ITFG1: variants seen among roughly 807,000 people sequenced by gnomAD.
ITFG1 encodes integrin alpha FG-GAP repeat containing 1, also known as T-cell immunomodulatory protein.
In ITFG1, 34 loss-of-function variants were observed where a neutral mutation model predicts 81.8. The ratio of observed to expected loss-of-function variants is 0.42; its 90% CI spans 0.32 to 0.55. The LOEUF is 0.55. ITFG1 is among the 20% of genes least tolerant of loss of function. The pLI is 0.17. For synonymous variants in ITFG1, 285 were observed against 270.6 expected (o/e 1.05, Z -0.52); for missense variants, 672 against 755.4 (o/e 0.89, Z 1.29).
intron 6 of ITFG1, among the ~76,000 whole-genome samples, chr16:47,407,768 T>C (rs1350466046): frequency 6.6e-6 from 1 of 152,200 alleles, no homozygotes; most frequent in Admixed American, 6.5e-5. Context: ...TAGTCTGAAC[T>C]GTCTATCAGA....
At chr16:47,433,074 A>C (rs1329494634) in intron 5 of ITFG1, among the ~76,000 whole-genome samples, 1 of 152,188 alleles carries the variant, frequency 6.6e-6, no homozygotes, top group Admixed American at 6.5e-5. Context: ...TTCCCTACAA[A>C]TTTTTTAGTA....
intron 7 of ITFG1, among the ~76,000 whole-genome samples, chr16:47,370,781 G>A (rs765461351): frequency 2.0e-5 from 3 of 152,328 alleles, no homozygotes; most frequent in African/African-American, 4.8e-5. Flanking sequence ...ACAGCCTGCC[G>A]GGTCGAGAGG....
chr16:47,354,589 A>G (rs1968012986), intron 8 of ITFG1, among the ~76,000 whole-genome samples: 1 of 152,184 alleles, frequency 6.6e-6, no homozygotes, highest in African/African-American at 2.4e-5. Context: ...TGCACATCAA[A>G]GGAAACAAGT....
At chr16:47,331,794 T>G (rs142504409) in intron 8 of ITFG1, among the ~76,000 whole-genome samples, 2,095 of 152,288 alleles carry the variant, frequency 0.014, 20 homozygotes, top group Non-Finnish European at 0.022. Flanking sequence ...GAAAAGTAGT[T>G]TAGGTGTTGT....
chr16:47,285,916 CCCA>C (rs1357212950), intron 10 of ITFG1, among the ~76,000 whole-genome samples: 2 of 152,136 alleles, frequency 1.3e-5, no homozygotes, highest in Non-Finnish European at 2.9e-5. Flanking sequence ...GAAACTCACC[CCCA>C]CACTTACCCA....
intron 14 of ITFG1, among the ~76,000 whole-genome samples, chr16:47,180,396 C>T (rs1341809738): frequency 6.6e-6 from 1 of 152,004 alleles, no homozygotes; most frequent in Non-Finnish European, 1.5e-5. Flanking sequence ...CACGGTCTCC[C>T]TCTCCCTCTC....
intron 6 of ITFG1, among the ~76,000 whole-genome samples, chr16:47,417,177 T>C (rs1263654789): frequency 1.3e-5 from 2 of 152,202 alleles, no homozygotes; most frequent in Non-Finnish European, 2.9e-5. Flanking sequence ...TTTGCTGAAA[T>C]GATTTCAAAA....
chr16:47,173,991 G>C (rs1304653517), intron 14 of ITFG1, among the ~76,000 whole-genome samples: 3 of 152,182 alleles, frequency 2.0e-5, no homozygotes, highest in Admixed American at 2.0e-4. Flanking sequence ...AGTGAGCTGA[G>C]ATTGTGCCAC....
chr16:47,323,882 A>G (rs1259953804), intron 8 of ITFG1, among the ~76,000 whole-genome samples: 1 of 152,190 alleles, frequency 6.6e-6, no homozygotes, highest in East Asian at 1.9e-4. Context: ...CTGGAAGAGA[A>G]CAGGGAGAGG....
intron 13 of ITFG1, among the ~76,000 whole-genome samples, chr16:47,221,635 C>T (rs1488801149): frequency 1.3e-5 from 2 of 152,220 alleles, no homozygotes; most frequent in East Asian, 3.9e-4. Flanking sequence ...TTTCTATTGA[C>T]TAGAATACTT....
intron 10 of ITFG1, among the ~76,000 whole-genome samples, chr16:47,266,504 C>G (rs979324586): frequency 6.6e-6 from 1 of 152,212 alleles, no homozygotes; most frequent in Non-Finnish European, 1.5e-5. Flanking sequence ...AGGCGTGAGC[C>G]ACTGCACCCA....
chr16:47,361,330 C>A (rs1386353842), intron 8 of ITFG1, among the ~76,000 whole-genome samples: 1 of 152,004 alleles, frequency 6.6e-6, no homozygotes, highest in Non-Finnish European at 1.5e-5. Flanking sequence ...AGTTTTATAG[C>A]TTTTATTGAT....
At chr16:47,439,283 T>G (rs1479294695) in intron 5 of ITFG1, among the ~76,000 whole-genome samples, 1 of 152,160 alleles carries the variant, frequency 6.6e-6, no homozygotes, top group East Asian at 1.9e-4. Flanking sequence ...CCAGGAGAAC[T>G]TCCCCGATCT....
At chr16:47,440,855 A>C (rs1438678058) in intron 5 of ITFG1, among the ~76,000 whole-genome samples, 1 of 152,184 alleles carries the variant, frequency 6.6e-6, no homozygotes, top group Non-Finnish European at 1.5e-5. Flanking sequence ...ACTGAAGGAG[A>C]CAGAGACACA....
chr16:47,321,259 G>A (rs1372127022), intron 8 of ITFG1, among the ~76,000 whole-genome samples: 1 of 152,136 alleles, frequency 6.6e-6, no homozygotes, highest in Non-Finnish European at 1.5e-5. Context: ...TTTCTATGCA[G>A]AATCTCTGAA....
In ITFG1 at chr16:47,386,131, T is replaced by A. The variant is rs1293814615; in HGVS notation, c.656-10191A>T. On this transcript the variant is annotated intron_variant, in intron 6 of 17. Coordinates refer to ENST00000320640, the MANE Select transcript of ITFG1 (RefSeq NM_030790.5). ...ATTCCCTTCTGGAATGACAGTGTGA[T>A]CCCTACAGACCTGCTCTCCAGTAAA... Among the ~76,000 whole-genome samples the A allele has an allele frequency of 2.0e-5, 3 of 152,240 alleles. No homozygotes were observed. The East Asian group carries it at 5.8e-4, about 29-fold the overall frequency.
At chr16:47,252,283 C>T (rs1180148788) in intron 12 of ITFG1, among the ~76,000 whole-genome samples, 3 of 152,102 alleles carry the variant, frequency 2.0e-5, no homozygotes, top group Non-Finnish European at 2.9e-5. Context: ...AGAAATTAAA[C>T]TTCCATATTA....
chr16:47,176,347 G>T (rs964434090), intron 14 of ITFG1, among the ~76,000 whole-genome samples: 1 of 152,136 alleles, frequency 6.6e-6, no homozygotes. Flanking sequence ...ATGAGTAAGA[G>T]AATCAGATAA....
At chr16:47,184,448 G>A (rs1965182155) in intron 14 of ITFG1, among the ~76,000 whole-genome samples, 1 of 152,194 alleles carries the variant, frequency 6.6e-6, no homozygotes, top group African/African-American at 2.4e-5. Context: ...AACGCTACAA[G>A]CCAGAAGAGA....
Sources: gnomAD v4.1 joint callset for allele counts (sites outside exome capture counted in the v4.1 genomes callset) on GRCh38, gnomAD v4.1.1 for gene constraint, MANE v1.5 for transcripts, NCBI Gene and HGNC (gene_info 2026-07-23, HGNC 2026-07-21) for gene names.